SDK1: variants seen among roughly 807,000 people sequenced by gnomAD.
SDK1 encodes the protein protein sidekick-1.
A neutral mutation model predicts 245.5 loss-of-function variants in SDK1; 157 were observed. That is an observed-to-expected ratio of 0.64 (90% CI 0.56 to 0.73). The LOEUF (loss-of-function observed/expected upper bound fraction) is 0.73. Among genes scored for constraint, SDK1 ranks in the 30% least tolerant of loss-of-function variants. The pLI is 0.00. For missense variants in SDK1, 3,583 were observed against 3,002.3 expected (o/e 1.19, Z -4.52); for synonymous variants, 1,647 against 1,278.5 (o/e 1.29, Z -6.15).
At chr7:4,122,087 A>G (rs1014900716) in intron 25 of SDK1, among the ~76,000 whole-genome samples, 4 of 152,044 alleles carry the variant, frequency 2.6e-5, no homozygotes, top group South Asian at 4.2e-4. Context: ...TGCCCGTCCT[A>G]CCACCTGGGG....
At chr7:4,213,268 C>G (rs1308088531) in intron 38 of SDK1, among the ~76,000 whole-genome samples, 1 of 152,120 alleles carries the variant, frequency 6.6e-6, no homozygotes, top group Non-Finnish European at 1.5e-5. Context: ...AAAAAATTAG[C>G]TGGGCATGGT....
chr7:4,247,104 A>C (rs937982583), intron 44 of SDK1, among the ~76,000 whole-genome samples: 4 of 152,214 alleles, frequency 2.6e-5, no homozygotes, highest in African/African-American at 4.8e-5. Flanking sequence ...TTGGCTGTAC[A>C]CATAGGCCTG....
intron 29 of SDK1, among the ~76,000 whole-genome samples, chr7:4,147,312 C>A: frequency 1.3e-5 from 2 of 152,264 alleles, no homozygotes; most frequent in South Asian, 4.2e-4. Context: ...TCCCCAGTAG[C>A]GGGGACTACA....
At chr7:3,904,193 C>T (rs1407611589) in intron 5 of SDK1, among the ~76,000 whole-genome samples, 1 of 152,184 alleles carries the variant, frequency 6.6e-6, no homozygotes, top group African/African-American at 2.4e-5. Flanking sequence ...CACAAAGACC[C>T]ACATACTGCA....
At position 3,352,193 on chromosome 7, in the gene SDK1, T is replaced by C. The variant is rs530245086; in HGVS notation, c.298+50309T>C. Among the ~76,000 whole-genome samples the C allele has an allele frequency of 4.3e-4, 64 of 150,504 alleles. 1 individual carries two copies. Among genetic ancestry groups the C allele is most frequent in the African/African-American group, 1.4e-3 (56 of 41,214 alleles). On this transcript the variant is annotated intron_variant, in intron 1 of 44. Transcript: ENST00000404826. Reference sequence around the variant, plus strand: ...TAAAAAGTTTTACAAAATGGAAAAATCTGTCACTTAAATACAAAATCACTG... The same window carrying C: ...TAAAAAGTTTTACAAAATGGAAAAACCTGTCACTTAAATACAAAATCACTG...
intron 1 of SDK1, among the ~76,000 whole-genome samples, chr7:3,365,068 A>G (rs554205127): frequency 3.9e-5 from 6 of 152,310 alleles, no homozygotes; most frequent in Admixed American, 2.6e-4. Flanking sequence ...CAGTGTGTTC[A>G]CTGCTAGCAT....
At chr7:3,828,129 A>G (rs553029474) in intron 5 of SDK1, among the ~76,000 whole-genome samples, 2 of 152,130 alleles carry the variant, frequency 1.3e-5, no homozygotes, top group South Asian at 2.1e-4. Flanking sequence ...TACAAAAATT[A>G]TAACTGGGTG....
chr7:3,921,295 A>G (rs557507814), intron 5 of SDK1, among the ~76,000 whole-genome samples: 1 of 152,214 alleles, frequency 6.6e-6, no homozygotes, highest in Admixed American at 6.5e-5. Context: ...AGTATTAACT[A>G]TGTTATCATT....
rs986136948 is a variant in SDK1, at chr7:3,947,531, TGTGTG to T, written c.848-3391_848-3387del. 3.9e-3 allele frequency among the ~76,000 whole-genome samples: 25 copies of T among 6,352 alleles called. No homozygotes were observed. In the South Asian group the frequency reaches 0.16, roughly 42 times the overall value. The allele number at this position is 6,352 out of a possible 152,430, so 4.2% of individuals were successfully genotyped here. A position where few individuals can be genotyped will look rare whatever the true frequency, so the allele number is the denominator to read the frequency against. On this transcript the variant is annotated intron_variant, in intron 5 of 44. Transcript: ENST00000404826. ...TTCCTTTTAAAAAGAAGTATTTGCT[TGTGTG>T]TGTGTGTGTGTGTGTGTGTGTGTGT...
chr7:3,754,754 A>T (rs746871023), intron 4 of SDK1, among the ~76,000 whole-genome samples: 1 of 152,174 alleles, frequency 6.6e-6, no homozygotes, highest in Non-Finnish European at 1.5e-5. Flanking sequence ...ATGATGAAAG[A>T]AAGTCTCATT....
intron 1 of SDK1, among the ~76,000 whole-genome samples, chr7:3,581,892 A>G (rs1244526209): frequency 6.6e-6 from 1 of 152,258 alleles, no homozygotes; most frequent in Non-Finnish European, 1.5e-5. Context: ...AAACTAACAC[A>G]GGAACAGAAA....
intron 4 of SDK1, among the ~76,000 whole-genome samples, chr7:3,720,371 C>G (rs901268497): frequency 1.3e-5 from 2 of 152,086 alleles, no homozygotes; most frequent in African/African-American, 4.8e-5. Flanking sequence ...AATATATAGA[C>G]TACTCTTAGA....
intron 32 of SDK1, among the ~76,000 whole-genome samples, chr7:4,167,525 T>G (rs1781570471): frequency 6.6e-6 from 1 of 152,196 alleles, no homozygotes; most frequent in Non-Finnish European, 1.5e-5. Context: ...GAGGCAGGAC[T>G]CCCAGTTCCC....
chr7:3,778,894 A>G lies in SDK1; in HGVS notation c.714-42556A>G, dbSNP rs752570074. On this transcript the variant is annotated intron_variant, in intron 4 of 44. Transcript: ENST00000404826. ...CTCAGGTGGGAGACTAGCTGGCAGC[A>G]CTATAAAGTACCTAAATGGTTTCAG... Among the ~76,000 whole-genome samples the G allele has an allele frequency of 4.0e-4, 61 of 152,242 alleles. 1 individual carries two copies. Among genetic ancestry groups the G allele is most frequent in the Non-Finnish European group, 1.6e-4 (11 of 68,044 alleles).
intron 9 of SDK1, among the ~76,000 whole-genome samples, chr7:3,963,887 G>T (rs1269151164): frequency 2.0e-5 from 3 of 151,748 alleles, no homozygotes; most frequent in African/African-American, 4.8e-5. Context: ...GACATATCCA[G>T]TGGGTACACC....
chr7:4,069,499 C>T (rs1195582690), intron 20 of SDK1, among the ~76,000 whole-genome samples: 6 of 152,224 alleles, frequency 3.9e-5, no homozygotes, highest in Non-Finnish European at 7.3e-5. Context: ...CTGACGCGAG[C>T]GGTCAGTTTG....
intron 17 of SDK1, among the ~76,000 whole-genome samples, chr7:4,045,928 T>C (rs1001189340): frequency 1.3e-5 from 2 of 152,148 alleles, no homozygotes; most frequent in African/African-American, 2.4e-5. Flanking sequence ...GAAAATTCTT[T>C]TTTCTGCATA....
At chr7:3,858,721 C>G (rs1319522856) in intron 5 of SDK1, among the ~76,000 whole-genome samples, 1 of 151,242 alleles carries the variant, frequency 6.6e-6, no homozygotes, top group Non-Finnish European at 1.5e-5. Context: ...AAGAATTTCC[C>G]TATCAGGTGT....
chr7:3,644,920 T>G (rs906097882), intron 4 of SDK1, among the ~76,000 whole-genome samples: 1 of 150,560 alleles, frequency 6.6e-6, no homozygotes, highest in South Asian at 2.1e-4. Context: ...TGGGGGAGAA[T>G]TGGTACCAGG....
Sources: allele counts gnomAD v4.1 joint callset (sites outside exome capture counted in the v4.1 genomes callset), GRCh38; gene constraint gnomAD v4.1.1; transcripts MANE v1.5; gene names NCBI Gene and HGNC (gene_info 2026-07-23, HGNC 2026-07-21).